Variants in LATS2 observed in about 807,000 individuals in gnomAD.
LATS2 encodes the protein large tumor suppressor kinase 2.
Under a neutral mutation model 76.0 loss-of-function variants are expected in LATS2, and 24 were observed. The ratio of observed to expected loss-of-function variants is 0.32; its 90% CI spans 0.23 to 0.44. LATS2 has a LOEUF of 0.44. LATS2 is among the 20% of genes least tolerant of loss of function. LATS2 has a pLI of 1.00. For synonymous variants in LATS2, 692 were observed against 635.4 expected (o/e 1.09, Z -1.34); for missense variants, 1,286 against 1,481.2 (o/e 0.87, Z 2.16).
intron 2 of LATS2, among the ~76,000 whole-genome samples, chr13:21,007,760 A>AGTATATATATATATAT (rs1871413223): frequency 2.2e-4 from 1 of 4,568 alleles, no homozygotes; most frequent in African/African-American, 1.1e-3. Flanking sequence ...ATATATATAT[A>AGTATATATATATATAT]TTTTTTTTTT....
intron 2 of LATS2, among the ~76,000 whole-genome samples, chr13:21,013,956 G>A (rs114055789): frequency 0.024 from 3,626 of 151,576 alleles, 57 homozygotes; most frequent in East Asian, 0.06. Context: ...GGGCAACAGA[G>A]CAAGACCCCC....
chr13:21,017,896 G>T lies in LATS2; in HGVS notation c.343-26492C>A, dbSNP rs528232476. The T allele has an allele frequency of 8.5e-5, 13 of 152,314 alleles. No homozygotes were observed. In the East Asian group the frequency reaches 1.2e-3, roughly 14 times the overall value. 9.4% of individuals were successfully genotyped at this position (152,314 alleles called of 1,614,324 possible). ...CTGCCTTGGCCTCCTAAAGTGCTGG[G>T]ATTACAGGCGTGAACCAGCATGTCC... On this transcript the variant is annotated intron_variant, in intron 2 of 7. Coordinates refer to ENST00000382592, the MANE Select transcript of LATS2 (RefSeq NM_014572.3).
chr13:21,028,684 C>T (rs148335438), intron 2 of LATS2, among the ~76,000 whole-genome samples: 3,684 of 152,262 alleles, frequency 0.024, 60 homozygotes, highest in East Asian at 0.06. Context: ...AATTCTCCTG[C>T]CTCAACCTCC....
At chr13:21,043,810 T>C (rs1466883660) in intron 2 of LATS2, among the ~76,000 whole-genome samples, 5 of 152,196 alleles carry the variant, frequency 3.3e-5, no homozygotes, top group Non-Finnish European at 7.3e-5. Context: ...GCTTGACTTG[T>C]TTCTTTTTCT....
intron 2 of LATS2, among the ~76,000 whole-genome samples, chr13:21,027,045 C>G (rs1345070825): frequency 6.6e-6 from 1 of 152,090 alleles, no homozygotes; most frequent in Non-Finnish European, 1.5e-5. Flanking sequence ...CTACTCAAAT[C>G]TTTTGCCCAT....
At chr13:20,987,827 T>C (rs780883501) in intron 4 of LATS2, 54 bp downstream of exon 4, 5 of 1,573,124 alleles carry the variant, frequency 3.2e-6, no homozygotes, top group Non-Finnish European at 3.5e-6. Context: ...TGCTTCCTAT[T>C]GCCAGTAGAG....
chr13:21,057,538 C>T (rs375328835), intron 1 of LATS2, among the ~76,000 whole-genome samples: 1 of 152,152 alleles, frequency 6.6e-6, no homozygotes, highest in Non-Finnish European at 1.5e-5. Flanking sequence ...CGTAACAGGC[C>T]GGGCGCGGTG....
In LATS2 at chr13:20,974,155, C is replaced by T. The variant is rs766767257; in HGVS notation, c.*715G>A. On this transcript the variant is annotated 3_prime_UTR_variant, in exon 8 of 8. Coordinates refer to ENST00000382592, the MANE Select transcript of LATS2 (RefSeq NM_014572.3). ...TAAAGACACTCAGTAAAAACGTATT[C>T]ACAGGACCTGCTGTGAATGGCAAGA... 3 of 228,478 alleles carry T rather than the reference C, an allele frequency of 1.3e-5. No homozygotes were observed. Among genetic ancestry groups the T allele is most frequent in the Non-Finnish European group, 2.6e-5 (3 of 115,030 alleles). 14.2% of individuals were successfully genotyped at this position (228,478 alleles called of 1,614,324 possible).
intron 7 of LATS2, among the ~76,000 whole-genome samples, chr13:20,977,426 C>G (rs1310952921): frequency 6.7e-6 from 1 of 149,596 alleles, no homozygotes; most frequent in Non-Finnish European, 1.5e-5. Context: ...ACCAAACTCA[C>G]AGAGACAGGA....
At chr13:20,983,057 T>C (rs1869970406) in intron 5 of LATS2, among the ~76,000 whole-genome samples, 167 bp downstream of exon 5, 3 of 147,768 alleles carry the variant, frequency 2.0e-5, no homozygotes, top group Admixed American at 6.7e-5. Context: ...CATATCACAC[T>C]ATTCCTTTTG....
At chr13:21,049,946 C>T (rs968567806) in intron 1 of LATS2, among the ~76,000 whole-genome samples, 31 of 151,946 alleles carry the variant, frequency 2.0e-4, no homozygotes, top group African/African-American at 7.3e-4. Context: ...CACAGTGAAA[C>T]GCTGTCTCTA....
At chr13:20,998,851 C>T (rs1276462965) in intron 2 of LATS2, among the ~76,000 whole-genome samples, 6 of 151,522 alleles carry the variant, frequency 4.0e-5, no homozygotes, top group Admixed American at 6.6e-5. Flanking sequence ...CGGGTGGGGG[C>T]CCTGCGACAT....
intron 2 of LATS2, among the ~76,000 whole-genome samples, chr13:21,036,190 C>G (rs1474396169): frequency 6.6e-6 from 1 of 152,064 alleles, no homozygotes; most frequent in South Asian, 2.1e-4. Context: ...GCCACCGCAC[C>G]TGGCTTAATT....
chr13:21,024,502 T>G (rs1230639530), intron 2 of LATS2, among the ~76,000 whole-genome samples: 2 of 151,976 alleles, frequency 1.3e-5, no homozygotes, highest in Non-Finnish European at 2.9e-5. Context: ...GGACTTTCAG[T>G]GGGGTTCAGT....
At chr13:21,047,082 T>C (rs957359093) in intron 1 of LATS2, among the ~76,000 whole-genome samples, 1 of 152,106 alleles carries the variant, frequency 6.6e-6, no homozygotes, top group South Asian at 2.1e-4. Context: ...TGGAACGCGA[T>C]GTCACAAAGG....
chr13:20,976,116 T>A (rs1869612104), intron 7 of LATS2, among the ~76,000 whole-genome samples: 1 of 151,006 alleles, frequency 6.6e-6, no homozygotes. Flanking sequence ...ACCAGCCATC[T>A]GGACGTTCAG....
intron 1 of LATS2, among the ~76,000 whole-genome samples, chr13:21,059,368 CG>C (rs1297279243): frequency 6.6e-6 from 1 of 151,934 alleles, no homozygotes; most frequent in African/African-American, 2.4e-5. Context: ...GAGGCTGAGG[CG>C]GGCGGATCAC....
At position 21,035,304 on chromosome 13, in the gene LATS2, T is replaced by C. The variant is rs577454649; in HGVS notation, c.342+10381A>G. 4.6e-5 allele frequency among the ~76,000 whole-genome samples: 7 copies of C among 152,110 alleles called. No homozygotes were observed. In the South Asian group the frequency reaches 1.5e-3, roughly 32 times the overall value. ...AAATTCATCATAACCCTAGTAAAAATAGTTCTAAAAGAGAGCATTGTTAAA... is the reference window on the plus strand; with the variant it reads ...AAATTCATCATAACCCTAGTAAAAACAGTTCTAAAAGAGAGCATTGTTAAA... On this transcript the variant is annotated intron_variant, in intron 2 of 7. Coordinates refer to ENST00000382592, the MANE Select transcript of LATS2 (RefSeq NM_014572.3).
chr13:21,052,970 C>T (rs1217773753), intron 1 of LATS2, among the ~76,000 whole-genome samples: 2 of 152,108 alleles, frequency 1.3e-5, no homozygotes. Context: ...GGCACGGTGG[C>T]TCACGCCTGT....
Sources: allele counts gnomAD v4.1 joint callset (sites outside exome capture counted in the v4.1 genomes callset), GRCh38; gene constraint gnomAD v4.1.1; transcripts MANE v1.5; gene names NCBI Gene and HGNC (gene_info 2026-07-23, HGNC 2026-07-21).